The following RAD54L variants were observed in gnomAD, a reference collection of about 807,000 sequenced individuals.
RAD54L encodes RAD54 like.
RAD54L carries 74 observed loss-of-function variants against 91.6 expected under a neutral mutation model. That is an observed-to-expected ratio of 0.81 (90% CI 0.67 to 0.98). The LOEUF (loss-of-function observed/expected upper bound fraction) is 0.98. Among genes scored for constraint, RAD54L ranks in the 50% least tolerant of loss-of-function variants. RAD54L has a pLI of 0.00. For synonymous variants in RAD54L, 304 were observed against 349.7 expected, an observed-to-expected ratio of 0.87 and a Z score of 1.46; for missense variants, 887 against 945.7, an observed-to-expected ratio of 0.94 and a Z score of 0.81.
chr1:46,277,017 G>C (rs1013307427), intron 16 of RAD54L, among the ~76,000 whole-genome samples: 1 of 152,086 alleles, frequency 6.6e-6, no homozygotes, highest in African/African-American at 2.4e-5. Flanking sequence ...GGCTGGTCTC[G>C]AACTCCTGAC....
chr1:46,277,780 C>G, intron 16 of RAD54L, 37 bp from the exon 17 acceptor site: 1 of 1,566,824 alleles, frequency 6.4e-7, no homozygotes, highest in South Asian at 1.1e-5. Context: ...TGGCTAAGCG[C>G]TGTATCTTTT....
At chr1:46,248,659 A>G (rs1659717527) in intron 2 of RAD54L, 61 bp downstream of exon 2, 1 of 1,532,950 alleles carries the variant, frequency 6.5e-7, no homozygotes, top group African/African-American at 1.4e-5. Flanking sequence ...AGAAGCCAGG[A>G]TTTGGTTTCT....
chr1:46,272,024 A>ATTTTT (rs1569608418), intron 10 of RAD54L, among the ~76,000 whole-genome samples: 3 of 39,382 alleles, frequency 7.6e-5, no homozygotes, highest in Non-Finnish European at 1.5e-4. Context: ...AGGTCTGATG[A>ATTTTT]CTTTTTTTTT....
intron 10 of RAD54L, among the ~76,000 whole-genome samples, chr1:46,271,946 T>G (rs1275980837): frequency 6.7e-6 from 1 of 150,308 alleles, no homozygotes; most frequent in Non-Finnish European, 1.5e-5. Flanking sequence ...GTGCTGCCTG[T>G]CTAAGCTAGC....
intron 16 of RAD54L, among the ~76,000 whole-genome samples, chr1:46,275,205 A>G (rs1459556973): frequency 6.6e-6 from 1 of 152,072 alleles, no homozygotes; most frequent in African/African-American, 2.4e-5. Flanking sequence ...TCTTTCCCAA[A>G]TCCAGCAATC....
intron 3 of RAD54L, among the ~76,000 whole-genome samples, chr1:46,252,175 A>G (rs1659815475): frequency 6.6e-6 from 1 of 152,164 alleles, no homozygotes; most frequent in African/African-American, 2.4e-5. Flanking sequence ...ACTGGCAGCA[A>G]TAGAGGCAGG....
rs760806293 is a variant in RAD54L at position 46,274,727 on chromosome 1, G to A, written c.1869+10G>A. The A allele has an allele frequency of 6.2e-7, 1 of 1,614,072 alleles. No individual in the cohort carries two copies. Among genetic ancestry groups the A allele is most frequent in the Non-Finnish European group, 8.5e-7 (1 of 1,180,008 alleles). On this transcript the variant is annotated intron_variant, in intron 16 of 17. Coordinates refer to ENST00000371975, the MANE Select transcript of RAD54L (RefSeq NM_003579.4). ...CTACCGCCTGCTGTCTGTAAGGATG[G>A]TGATAGTAGTCATAGTAGGGGTGGG...
In RAD54L at chr1:46,260,908, C is replaced by A; in HGVS notation, c.659C>A (p.Ser220Tyr). The change falls in exon 7 of 18, where the codon TCC becomes TAC. Residue 220 changes from serine to tyrosine, a missense_variant. Coordinates refer to ENST00000371975, the MANE Select transcript of RAD54L (RefSeq NM_003579.4). ...GACAAGGCAGTGGTGGTGTCGCCTT[C>A]CAGCCTGGTGAAGAACTGGTACAAT... ...EIDKAVVVSP[S>Y]SLVKNWYNEV... 1 of 1,614,214 alleles carries A rather than the reference C, an allele frequency of 6.2e-7. No homozygotes were observed.
chr1:46,248,501 T>A lies in RAD54L; in HGVS notation c.4-11T>A. ...ATCCTTGCAGGCACTGTTTCTGTTCTCCCTTTACAGAGGAGGAGCTTGGCT... is the reference window on the plus strand; with the variant it reads ...ATCCTTGCAGGCACTGTTTCTGTTCACCCTTTACAGAGGAGGAGCTTGGCT... On this transcript the variant is annotated splice_polypyrimidine_tract_variant and intron_variant, in intron 1 of 17. Coordinates refer to ENST00000371975, the MANE Select transcript of RAD54L (RefSeq NM_003579.4). 6.2e-7 allele frequency: 1 copy of A among 1,614,076 alleles called. No homozygotes were observed. The highest frequency in any genetic ancestry group is 1.3e-5 in the African/African-American group (1 of 75,016).
intron 3 of RAD54L, among the ~76,000 whole-genome samples, chr1:46,253,636 A>G (rs1375039202): frequency 6.6e-6 from 1 of 151,960 alleles, no homozygotes; most frequent in Non-Finnish European, 1.5e-5. Context: ...AATTCACACA[A>G]AAAATGAAAA....
At position 46,274,599 on chromosome 1, in the gene RAD54L, G is replaced by A. The variant is rs2148303360; in HGVS notation, c.1751G>A (p.Gly584Glu). ...GGGGGCTGTGGCCTCAATCTCATTG[G>A]GGCTAACCGGCTGGTCATGTTTGAC... The part of the protein sequence containing the change: ...KAGGCGLNLI[G>E]ANRLVMFDPD... Residue 584 changes from glycine (G) to glutamate (E), a missense_variant, in exon 16 of 18, where the codon GGG becomes GAG. Coordinates refer to ENST00000371975, the MANE Select transcript of RAD54L (RefSeq NM_003579.4). The A allele has an allele frequency of 6.2e-7, 1 of 1,613,732 alleles. No individual in the cohort carries two copies. Among genetic ancestry groups the A allele is most frequent in the South Asian group, 1.1e-5 (1 of 91,056 alleles).
Position 46,258,674 on chromosome 1 carries a change from C to T in RAD54L, c.211-12C>T. On this transcript the variant is annotated splice_polypyrimidine_tract_variant and intron_variant, in intron 3 of 17. Coordinates refer to ENST00000371975, the MANE Select transcript of RAD54L (RefSeq NM_003579.4). ...AGTCAGTCCTGAATCCTTGTTTCTC[C>T]TTTCTTTTTAGGAAGCATTTATTCG... The T allele has an allele frequency of 6.3e-7, 1 of 1,591,472 alleles. No homozygotes were observed. Among genetic ancestry groups the T allele is most frequent in the Non-Finnish European group, 8.6e-7 (1 of 1,159,400 alleles).
chr1:46,260,012 G>A lies in RAD54L; in HGVS notation c.320G>A (p.Arg107Gln), dbSNP rs776832013. 7.4e-5 allele frequency: 120 copies of A among 1,613,952 alleles called. No homozygotes were observed. The highest frequency in any genetic ancestry group is 1.1e-4 in the South Asian group (10 of 91,066). The change falls in exon 5 of 18, where the codon CGG (arginine) becomes CAG (glutamine). Residue 107 changes from arginine to glutamine, a missense_variant. Physicochemically the swap from Arg to Gln is conservative, Grantham distance 43. Coordinates refer to ENST00000371975, the MANE Select transcript of RAD54L (RefSeq NM_003579.4). ...ALGLKRAGVR[R>Q]ALHDPLEKDA... ...GGCCTGAAAAGGGCTGGGGTCCGCC[G>A]GGCCCTCCATGACCCCCTGGAAAAA...
At position 46,274,734 on chromosome 1, in the gene RAD54L, T is replaced by C. The variant is rs370653317; in HGVS notation, c.1869+17T>C. ...CTGCTGTCTGTAAGGATGGTGATAG[T>C]AGTCATAGTAGGGGTGGGTCATGGA... On this transcript the variant is annotated intron_variant, in intron 16 of 17. Coordinates refer to ENST00000371975, the MANE Select transcript of RAD54L (RefSeq NM_003579.4). The C allele has an allele frequency of 2.5e-5, 41 of 1,613,776 alleles. No homozygotes were observed. The African/African-American group carries it at 4.9e-4, about 19-fold the overall frequency.
intron 8 of RAD54L, among the ~76,000 whole-genome samples, chr1:46,261,632 C>T (rs17102087): frequency 0.096 from 14,569 of 152,066 alleles, 935 homozygotes; most frequent in Admixed American, 0.18. Flanking sequence ...TTGTTGCCTC[C>T]GGATAGTATT....
At position 46,261,283 on chromosome 1, in the gene RAD54L, A is replaced by C. The variant is rs1295885173; in HGVS notation, c.789A>C (p.Gly263=). Residue 263 remains glycine (G), a synonymous_variant, in exon 8 of 18, where the codon GGA becomes GGC. Transcript: ENST00000371975. ...TAGAAGGATTCATGAACCAGCGTGG[A>C]GCCAGGGTGTCTTCTCCCATCCTCA... ...QKLEGFMNQR[G]ARVSSPILII... is the part of the protein sequence containing the mutation. 1 of 1,612,276 alleles carries C rather than the reference A, an allele frequency of 6.2e-7. No homozygotes were observed. The highest frequency in any genetic ancestry group is 8.5e-7 in the Non-Finnish European group (1 of 1,179,782).
chr1:46,269,433 G>A (rs1209685188), intron 9 of RAD54L, among the ~76,000 whole-genome samples: 4 of 151,218 alleles, frequency 2.6e-5, no homozygotes, highest in African/African-American at 9.8e-5. Context: ...TCAGCCTCCT[G>A]AGTAGCTGGG....
At chr1:46,274,397 T>C in intron 15 of RAD54L, 141 bp from the exon 16 acceptor site, 1 of 1,275,400 alleles carries the variant, frequency 7.8e-7, no homozygotes, top group South Asian at 1.2e-5. Flanking sequence ...TGGGATTGGC[T>C]GGCTGGTGAG....
intron 8 of RAD54L, among the ~76,000 whole-genome samples, chr1:46,261,611 G>A (rs1660131668): frequency 6.6e-6 from 1 of 152,180 alleles, no homozygotes; most frequent in Non-Finnish European, 1.5e-5. Flanking sequence ...GATACTGGGG[G>A]CTGATTGGCT....
Sources: allele counts gnomAD v4.1 joint callset (sites outside exome capture counted in the v4.1 genomes callset), GRCh38; gene constraint gnomAD v4.1.1; transcripts MANE v1.5; gene names NCBI Gene and HGNC (gene_info 2026-07-23, HGNC 2026-07-21).